Variants in PPIE observed in about 807,000 individuals in gnomAD.
PPIE encodes peptidyl-prolyl cis-trans isomerase E.
Under a neutral mutation model 38.4 loss-of-function variants are expected in PPIE, and 20 were observed. The observed-to-expected ratio is 0.52, with a 90% CI of 0.37 to 0.76. The LOEUF is 0.76. Ranked by LOEUF, PPIE falls within the 30% of genes least tolerant of loss-of-function variation. The pLI is 0.00. For missense variants in PPIE, 322 were observed against 385.8 expected (o/e 0.83, Z 1.39); for synonymous variants, 142 against 135.7 (o/e 1.05, Z -0.32).
chr1:39,739,139 C>T, intron 1 of PPIE: 1 of 457,908 alleles, frequency 2.2e-6, no homozygotes, highest in Non-Finnish European at 3.6e-6. Flanking sequence ...GACTTCTTAG[C>T]AGTACGCACT....
Position 39,754,305 on chromosome 1 carries a change from T to C in PPIE, c.*950T>C, listed in dbSNP as rs1648053469. ...GCAGAACCAATAGGGTGTGTATATATGTAGAAAGAGATTTATTTTAAGGAA... is the reference window on the plus strand; with the variant it reads ...GCAGAACCAATAGGGTGTGTATATACGTAGAAAGAGATTTATTTTAAGGAA... On this transcript the variant is annotated 3_prime_UTR_variant, in exon 10 of 10. Coordinates refer to ENST00000324379, the MANE Select transcript of PPIE (RefSeq NM_006112.4). Among the ~76,000 whole-genome samples, 1 of 152,172 alleles carries C rather than the reference T, an allele frequency of 6.6e-6. No individual in the cohort carries two copies. The highest frequency in any genetic ancestry group is 1.5e-5 in the Non-Finnish European group (1 of 68,032).
intron 9 of PPIE, 116 bp from the exon 10 acceptor site, chr1:39,753,171 G>C (rs1647926368): frequency 6.3e-7 from 1 of 1,585,174 alleles, no homozygotes; most frequent in African/African-American, 1.3e-5. Flanking sequence ...CAGCGGGAGG[G>C]GCTGCTGCTG....
chr1:39,762,182 AT>A, intron 9 of PPIE: 1 of 183,882 alleles, frequency 5.4e-6, no homozygotes, highest in Non-Finnish European at 1.1e-5. Flanking sequence ...GCTTTTGGTA[AT>A]TTATTTCCTC....
At chr1:39,745,295 G>A in intron 6 of PPIE, 80 bp from the exon 7 acceptor site, 1 of 1,577,928 alleles carries the variant, frequency 6.3e-7, no homozygotes, top group African/African-American at 1.3e-5. Context: ...GTTGTGTTCT[G>A]GGTGGGTGTG....
Position 39,754,816 on chromosome 1 carries a change from C to A in PPIE, c.*1461C>A, listed in dbSNP as rs1436935967. On this transcript the variant is annotated 3_prime_UTR_variant, in exon 10 of 10. Coordinates refer to ENST00000324379, the MANE Select transcript of PPIE (RefSeq NM_006112.4). ...GAGGCTGCAGTCAGCCATGGTCATG[C>A]CACTGTACTCCAGCCTGGGTGACAA... 1.3e-5 allele frequency among the ~76,000 whole-genome samples: 2 copies of A among 152,128 alleles called. No individual in the cohort carries two copies. Among genetic ancestry groups the A allele is most frequent in the East Asian group, 3.9e-4 (2 of 5,192 alleles).
In PPIE at chr1:39,738,891, C is replaced by T. The variant is rs1646985959; in HGVS notation, c.-10C>T. The T allele has an allele frequency of 6.6e-7, 1 of 1,512,204 alleles. No homozygotes were observed. Among genetic ancestry groups the T allele is most frequent in the East Asian group, 2.7e-5 (1 of 37,332 alleles). 93.7% of individuals were successfully genotyped at this position (1,512,204 alleles called of 1,614,324 possible). The stretch of plus-strand genomic sequence containing the variant: ...AGTGCTGGCTTCCGGCGGAAAAGCG[C>T]GCGAGCAAGATGGCCACCACCAAGC... On this transcript the variant is annotated 5_prime_UTR_variant, in exon 1 of 10. Transcript: ENST00000324379.
intron 7 of PPIE, chr1:39,745,756 G>A: frequency 4.8e-6 from 2 of 419,958 alleles, no homozygotes; most frequent in South Asian, 4.0e-5. Flanking sequence ...TTAAAGAATA[G>A]CATATACATA....
chr1:39,739,357 C>A (rs1275735382), intron 1 of PPIE: 1 of 174,250 alleles, frequency 5.7e-6, no homozygotes, highest in African/African-American at 2.4e-5. Flanking sequence ...CAGCGGGCCC[C>A]GAGGAGCGGT....
rs1005474458 is a variant in PPIE, at chr1:39,756,671, G to C, written c.*3316G>C. The stretch of plus-strand genomic sequence containing the variant: ...ATCACAAAGAAACATATATAGTACA[G>C]TGTGATCCCAATTTTGTAAAAATAT... On this transcript the variant is annotated 3_prime_UTR_variant, in exon 10 of 10. Coordinates refer to ENST00000324379, the MANE Select transcript of PPIE (RefSeq NM_006112.4). 1 of 920,806 alleles carries C rather than the reference G, an allele frequency of 1.1e-6. No individual in the cohort carries two copies. The highest frequency in any genetic ancestry group is 6.2e-5 in the Admixed American group (1 of 16,182). 57.0% of individuals were successfully genotyped at this position (920,806 alleles called of 1,614,324 possible).
downstream of PPIE, chr1:39,760,636 C>T (rs1331313033): frequency 1.9e-6 from 3 of 1,541,896 alleles, no homozygotes; most frequent in Non-Finnish European, 2.6e-6. Flanking sequence ...CACCCAGCCC[C>T]ACCCCAGCTC....
chr1:39,739,029 G>A, intron 1 of PPIE, 98 bp downstream of exon 1: 1 of 1,295,128 alleles, frequency 7.7e-7, no homozygotes, highest in Admixed American at 3.9e-5. Flanking sequence ...AGGACGGCGA[G>A]CTGCTGTCAA....
chr1:39,743,656 T>G (rs575852163), intron 5 of PPIE, among the ~76,000 whole-genome samples, 168 bp from the exon 6 acceptor site: 1 of 152,332 alleles, frequency 6.6e-6, no homozygotes, highest in South Asian at 2.1e-4. Context: ...GAGCTGGACT[T>G]CAGGGCCTAC....
chr1:39,761,793 G>A (rs1649020516), intron 9 of PPIE, among the ~76,000 whole-genome samples: 3 of 152,178 alleles, frequency 2.0e-5, no homozygotes, highest in Non-Finnish European at 2.9e-5. Flanking sequence ...TGATGGAGCA[G>A]CCACTCTGCT....
downstream of PPIE, chr1:39,758,830 A>G (rs1648566578): frequency 1.3e-5 from 2 of 152,332 alleles, no homozygotes; most frequent in East Asian, 3.9e-4. Context: ...CTGCGCTTGC[A>G]CATGGAGGCC....
At chr1:39,751,815 C>T (rs574899983) in intron 8 of PPIE, among the ~76,000 whole-genome samples, 65 of 152,280 alleles carry the variant, frequency 4.3e-4, no homozygotes, top group African/African-American at 1.2e-3. Flanking sequence ...CCAGGCACGG[C>T]GGCTCATGCC....
At chr1:39,745,695 C>A (rs573407752) in intron 7 of PPIE, 197 bp downstream of exon 7, 91 of 714,942 alleles carry the variant, frequency 1.3e-4, no homozygotes, top group Non-Finnish European at 1.9e-4. Context: ...TGCTGGCTTA[C>A]TGTTTTTTAA....
intron 5 of PPIE, 106 bp from the exon 6 acceptor site, chr1:39,743,718 C>T: frequency 1.2e-6 from 1 of 842,376 alleles, no homozygotes; most frequent in Non-Finnish European, 1.9e-6. Flanking sequence ...GGGGAATTGT[C>T]TGGCATACAG....
At chr1:39,751,519 C>A (rs1647732318) in intron 8 of PPIE, among the ~76,000 whole-genome samples, 1 of 152,090 alleles carries the variant, frequency 6.6e-6, no homozygotes, top group Non-Finnish European at 1.5e-5. Flanking sequence ...TCCATAATGC[C>A]AGGCTAATTT....
At position 39,745,468 on chromosome 1, in the gene PPIE, C is replaced by T. The variant is rs745458941; in HGVS notation, c.478C>T (p.Leu160=). The part of the protein sequence containing the change: ...NKPAGRIQML[L]RSDVVPMTAE... ...GCCGGCTGGCCGCATCCAGATGCTCCTGCGTTCTGATGTCGTGCCCATGAC... is the reference window on the plus strand; with the variant it reads ...GCCGGCTGGCCGCATCCAGATGCTCTTGCGTTCTGATGTCGTGCCCATGAC... Residue 160 remains leucine, a synonymous_variant, in exon 7 of 10, where the codon CTG becomes TTG. Coordinates refer to ENST00000324379, the MANE Select transcript of PPIE (RefSeq NM_006112.4). 2 of 1,614,132 alleles carry T rather than the reference C, an allele frequency of 1.2e-6. No homozygotes were observed. The highest frequency in any genetic ancestry group is 1.7e-5 in the Admixed American group (1 of 60,004).
Sources: gnomAD v4.1 joint callset for allele counts (sites outside exome capture counted in the v4.1 genomes callset) on GRCh38, gnomAD v4.1.1 for gene constraint, MANE v1.5 for transcripts, NCBI Gene and HGNC (gene_info 2026-07-23, HGNC 2026-07-21) for gene names.